SRGAP3: variants seen among roughly 807,000 people sequenced by gnomAD.
SRGAP3 encodes SLIT-ROBO Rho GTPase activating protein 3.
A neutral mutation model predicts 121.1 loss-of-function variants in SRGAP3; 39 were observed. The observed-to-expected ratio is 0.32, with a 90% CI of 0.25 to 0.42. The LOEUF (loss-of-function observed/expected upper bound fraction) is 0.42. SRGAP3 is among the 10% of genes least tolerant of loss of function. The pLI is 1.00. For missense variants in SRGAP3, 1,213 were observed against 1,470.6 expected (o/e 0.82, Z 2.86); for synonymous variants, 601 against 570.0 (o/e 1.05, Z -0.77).
intron 3 of SRGAP3, among the ~76,000 whole-genome samples, chr3:9,087,347 C>A (rs190822617): frequency 6.6e-6 from 1 of 151,106 alleles, no homozygotes; most frequent in South Asian, 2.1e-4. Flanking sequence ...CACGAGATGC[C>A]AAGGACAAGG....
intron 1 of SRGAP3, among the ~76,000 whole-genome samples, chr3:9,344,522 A>G (rs1479195558): frequency 6.6e-6 from 1 of 152,152 alleles, no homozygotes; most frequent in Non-Finnish European, 1.5e-5. Context: ...ATCCCCAGTT[A>G]CTCAGAAGAC....
chr3:9,033,078 G>A (rs183565406), intron 11 of SRGAP3, among the ~76,000 whole-genome samples: 53 of 152,304 alleles, frequency 3.5e-4, no homozygotes, highest in African/African-American at 1.2e-3. Context: ...CCAGATGGAG[G>A]GGGAATCAGG....
chr3:9,015,852 T>TC, intron 14 of SRGAP3, 121 bp from the exon 15 acceptor site: 3 of 1,216,148 alleles, frequency 2.5e-6, no homozygotes, highest in Non-Finnish European at 3.6e-6. Context: ...GGGAAAAGTC[T>TC]CCCCCACATA....
At chr3:9,036,703 C>T (rs1944762237) in intron 11 of SRGAP3, 1 of 152,186 alleles carries the variant, frequency 6.6e-6, no homozygotes, top group African/African-American at 2.4e-5. Flanking sequence ...TGCGTGAGTT[C>T]TAGGAATTAG....
In SRGAP3 at chr3:8,981,902, C is replaced by A. The variant is rs1376994188; in HGVS notation, c.*3617G>T. ...AGTCTAATTCCCAAGCTCGCAATTC[C>A]CTCCGATTGTGCACTCTGTCCGGGG... On this transcript the variant is annotated 3_prime_UTR_variant, in exon 22 of 22. Coordinates refer to ENST00000383836, the MANE Select transcript of SRGAP3 (RefSeq NM_014850.4). 4.4e-6 allele frequency: 1 copy of A among 227,786 alleles called. No individual in the cohort carries two copies. Among genetic ancestry groups the A allele is most frequent in the East Asian group, 6.3e-5 (1 of 15,826 alleles). 14.1% of individuals were successfully genotyped at this position (227,786 alleles called of 1,614,324 possible).
intron 18 of SRGAP3, among the ~76,000 whole-genome samples, chr3:8,999,303 C>G (rs904919350): frequency 1.3e-5 from 2 of 152,226 alleles, no homozygotes; most frequent in Non-Finnish European, 2.9e-5. Context: ...GACGGCTACA[C>G]TGGTGCGGCC....
intron 3 of SRGAP3, among the ~76,000 whole-genome samples, chr3:9,286,404 T>C (rs1296057461): frequency 1.3e-5 from 2 of 151,810 alleles, no homozygotes; most frequent in African/African-American, 4.8e-5. Context: ...CTCACACCTA[T>C]AATCCCTGAA....
rs1162928643 is a variant in SRGAP3, at chr3:9,023,189, C to T, written c.1678+2072G>A. On this transcript the variant is annotated intron_variant, in intron 14 of 21. Transcript: ENST00000383836. ...CGAGATTCAAGGCAGGGTGACAAGG[C>T]ATTCTGTATAATGGGATGAGCCCAG... 4.6e-5 allele frequency among the ~76,000 whole-genome samples: 7 copies of T among 152,016 alleles called. 1 individual carries two copies. The highest frequency in any genetic ancestry group is 2.6e-4 in the Admixed American group (4 of 15,266).
intron 3 of SRGAP3, among the ~76,000 whole-genome samples, chr3:9,295,753 T>C (rs1954943393): frequency 6.6e-6 from 1 of 152,150 alleles, no homozygotes; most frequent in Non-Finnish European, 1.5e-5. Flanking sequence ...AATGGAGATT[T>C]TCATCATCCC....
chr3:9,238,879 C>A (rs968075903), intron 1 of SRGAP3, among the ~76,000 whole-genome samples: 2 of 152,090 alleles, frequency 1.3e-5, no homozygotes, highest in Non-Finnish European at 2.9e-5. Context: ...ACATGAGGAA[C>A]AAAGAAGGAT....
At chr3:8,990,896 C>A in intron 20 of SRGAP3, 57 bp from the exon 21 acceptor site, 3 of 1,424,790 alleles carry the variant, frequency 2.1e-6, no homozygotes, top group Non-Finnish European at 2.8e-6. Context: ...TGGCAAGTCT[C>A]AGAATGGGTG....
chr3:8,991,628 T>C (rs943701116), intron 20 of SRGAP3, among the ~76,000 whole-genome samples: 2 of 152,208 alleles, frequency 1.3e-5, no homozygotes, highest in African/African-American at 4.8e-5. Flanking sequence ...CCTTTACCTT[T>C]GCTTCAAGTG....
upstream of SRGAP3, among the ~76,000 whole-genome samples, chr3:9,253,389 A>G (rs563111186): frequency 6.6e-6 from 1 of 152,326 alleles, no homozygotes; most frequent in East Asian, 1.9e-4. Context: ...TTAAAAATAT[A>G]AGGAAAACAT....
At chr3:9,160,677 T>A (rs1157616569) in intron 1 of SRGAP3, among the ~76,000 whole-genome samples, 4 of 152,238 alleles carry the variant, frequency 2.6e-5, no homozygotes, top group African/African-American at 4.8e-5. Flanking sequence ...TTTAAACTGG[T>A]ACATTTTGGA....
In SRGAP3 at chr3:9,268,342, CCCTCTCTCTTCTCT is replaced by C. The variant is rs1323767505; in HGVS notation, n.442+57654_442+57667del. ...TCTCTCTTTCTCTCTCTCTCTTCCC[CCCTCTCTCTTCTCT>C]CTGCCATATGAGGACACAGTAAGGA... On this transcript the variant is annotated intron_variant and non_coding_transcript_variant, in intron 3 of 3. Coordinates refer to the SRGAP3 transcript ENST00000490889. Among the ~76,000 whole-genome samples, 6 of 151,976 alleles carry C rather than the reference CCCTCTCTCTTCTCT, an allele frequency of 3.9e-5. No homozygotes were observed. In the East Asian group the frequency reaches 1.2e-3, roughly 29 times the overall value.
At chr3:9,357,872 ATTTT>A (rs563013542) in intron 1 of SRGAP3, among the ~76,000 whole-genome samples, 1 of 145,874 alleles carries the variant, frequency 6.9e-6, no homozygotes, top group Non-Finnish European at 1.5e-5. Context: ...CCCATTTGAA[ATTTT>A]TTTTTTTTTC....
intron 3 of SRGAP3, among the ~76,000 whole-genome samples, chr3:9,275,954 C>A (rs926786945): frequency 6.6e-6 from 1 of 152,046 alleles, no homozygotes; most frequent in Non-Finnish European, 1.5e-5. Flanking sequence ...AATCCCAACA[C>A]TACCAGAGGC....
chr3:9,118,349 G>A (rs1357935432), intron 2 of SRGAP3, among the ~76,000 whole-genome samples: 1 of 152,030 alleles, frequency 6.6e-6, no homozygotes, highest in Non-Finnish European at 1.5e-5. Flanking sequence ...TCATTCCCAG[G>A]AAACATCTGT....
chr3:9,103,143 A>T (rs1027083297), intron 3 of SRGAP3, among the ~76,000 whole-genome samples: 2 of 152,216 alleles, frequency 1.3e-5, no homozygotes, highest in Admixed American at 1.3e-4. Flanking sequence ...GGAGAAAATT[A>T]GCCTGCGATT....
Sources: allele counts gnomAD v4.1 joint callset (sites outside exome capture counted in the v4.1 genomes callset), GRCh38; gene constraint gnomAD v4.1.1; transcripts MANE v1.5; gene names NCBI Gene and HGNC (gene_info 2026-07-23, HGNC 2026-07-21).